PCDHA11: variants seen among roughly 807,000 people sequenced by gnomAD.
The protein encoded by PCDHA11 is protocadherin alpha-11.
Under a neutral mutation model 70.3 loss-of-function variants are expected in PCDHA11, and 61 were observed. The ratio of observed to expected loss-of-function variants is 0.87; its 90% CI spans 0.71 to 1.07. The LOEUF (loss-of-function observed/expected upper bound fraction) is 1.07, where lower values mean the gene tolerates loss of function less well. Among genes scored for constraint, PCDHA11 ranks in the 50% least tolerant of loss-of-function variants. The pLI is 0.00. For missense variants in PCDHA11, 1,324 were observed against 1,237.5 expected, an observed-to-expected ratio of 1.07 and a Z score of -1.05; for synonymous variants, 633 against 555.1, an observed-to-expected ratio of 1.14 and a Z score of -1.97.
At chr5:140,960,557 G>A (rs2095556177) in intron 1 of PCDHA11, among the ~76,000 whole-genome samples, 1 of 152,104 alleles carries the variant, frequency 6.6e-6, no homozygotes. Context: ...TATAGACTGA[G>A]CTTAGGAAAA....
At chr5:140,945,705 A>G (rs868920609) in intron 1 of PCDHA11, among the ~76,000 whole-genome samples, 5 of 152,154 alleles carry the variant, frequency 3.3e-5, no homozygotes, top group South Asian at 2.1e-4. Flanking sequence ...GATTTGCAAC[A>G]AAAGTATCAA....
chr5:140,877,015 G>C (rs371309003), intron 1 of PCDHA11: 9 of 1,612,358 alleles, frequency 5.6e-6, no homozygotes, highest in Non-Finnish European at 7.6e-6. Context: ...CGCGGAGAGC[G>C]GCAAGGTGTA....
At chr5:140,883,311 C>T (rs1562787016) in intron 1 of PCDHA11, 9 of 1,613,984 alleles carry the variant, frequency 5.6e-6, no homozygotes, top group Non-Finnish European at 7.6e-6. Flanking sequence ...GATAACGCCC[C>T]AGAGGTTACC....
intron 3 of PCDHA11, among the ~76,000 whole-genome samples, chr5:140,990,800 A>C (rs1474894854): frequency 3.9e-5 from 6 of 152,216 alleles, no homozygotes; most frequent in Non-Finnish European, 2.9e-5. Context: ...CATGGAATAC[A>C]GAAGAAGCTC....
chr5:140,882,209 A>T, intron 1 of PCDHA11: 1 of 1,531,724 alleles, frequency 6.5e-7, no homozygotes, highest in Non-Finnish European at 8.8e-7. Context: ...GCCTTGAGAG[A>T]CAGTTTGAGG....
intron 1 of PCDHA11, among the ~76,000 whole-genome samples, chr5:140,879,217 G>A (rs1163771659): frequency 6.6e-6 from 1 of 152,164 alleles, no homozygotes; most frequent in African/African-American, 2.4e-5. Context: ...GAAATGAATT[G>A]AAAAAGACAT....
intron 1 of PCDHA11, among the ~76,000 whole-genome samples, chr5:140,916,761 G>A (rs1391817856): frequency 2.0e-5 from 3 of 152,306 alleles, no homozygotes; most frequent in South Asian, 2.1e-4. Flanking sequence ...TTAGGGGAGG[G>A]GTGGCACAAG....
chr5:140,898,040 GT>G (rs1301370622), intron 1 of PCDHA11, among the ~76,000 whole-genome samples: 7 of 151,970 alleles, frequency 4.6e-5, no homozygotes, highest in Non-Finnish European at 8.8e-5. Flanking sequence ...GGGGTTGTTT[GT>G]TTTTTTCTTG....
At chr5:140,883,388 G>T (rs2059587175) in intron 1 of PCDHA11, 2 of 1,614,164 alleles carry the variant, frequency 1.2e-6, no homozygotes, top group Non-Finnish European at 1.7e-6. Context: ...CCTAATCAGT[G>T]TGTCCGATCG....
intron 1 of PCDHA11, chr5:140,967,336 C>T (rs782067589): frequency 5.0e-6 from 8 of 1,607,396 alleles, no homozygotes; most frequent in Admixed American, 1.7e-5. Context: ...TCAGCCCCAG[C>T]GAGCACTTCG....
chr5:140,921,777 C>T (rs1434211783), intron 1 of PCDHA11, among the ~76,000 whole-genome samples: 1 of 152,030 alleles, frequency 6.6e-6, no homozygotes, highest in African/African-American at 2.4e-5. Context: ...TCAATACTGA[C>T]TTGGATGTTC....
At chr5:140,942,530 T>C (rs963252648) in intron 1 of PCDHA11, among the ~76,000 whole-genome samples, 5 of 151,374 alleles carry the variant, frequency 3.3e-5, no homozygotes, top group Non-Finnish European at 5.9e-5. Flanking sequence ...AGCAACTAAC[T>C]CAGTATGGTG....
intron 1 of PCDHA11, among the ~76,000 whole-genome samples, chr5:140,931,278 T>G (rs1488323710): frequency 1.3e-5 from 2 of 152,174 alleles, no homozygotes; most frequent in Non-Finnish European, 2.9e-5. Context: ...TCTTTTATTT[T>G]CATTGCTTTC....
chr5:140,972,350 A>G (rs897251940), intron 1 of PCDHA11, among the ~76,000 whole-genome samples: 3 of 150,008 alleles, frequency 2.0e-5, no homozygotes, highest in Admixed American at 1.3e-4. Flanking sequence ...GGGTCTCACT[A>G]TGTTGCACAT....
chr5:141,004,402 A>T (rs2098165262), intron 3 of PCDHA11, among the ~76,000 whole-genome samples: 1 of 152,188 alleles, frequency 6.6e-6, no homozygotes, highest in African/African-American at 2.4e-5. Context: ...TGGAGGAGGC[A>T]CCTGACTAGA....
rs906170025 is a variant in PCDHA11 at position 140,935,893 on chromosome 5, T to C, written c.2392-43056T>C. Among the ~76,000 whole-genome samples, 23 of 129,968 alleles carry C rather than the reference T, an allele frequency of 1.8e-4. 1 individual carries two copies. In the Admixed American group the frequency reaches 1.8e-3, roughly 10 times the overall value. The allele number at this position is 129,968 out of a possible 152,430, so 85.3% of individuals were successfully genotyped here. A position where few individuals can be genotyped will look rare whatever the true frequency, so the allele number is the denominator to read the frequency against. ...AATGAGCTCCAATTTATCAATATTA[T>C]CTTTTTTTTTTTTTTTTGAGACAGA... On this transcript the variant is annotated intron_variant, in intron 1 of 3. Transcript: ENST00000398640.
At chr5:140,923,434 G>A (rs1461886077) in intron 1 of PCDHA11, among the ~76,000 whole-genome samples, 1 of 152,088 alleles carries the variant, frequency 6.6e-6, no homozygotes, top group Non-Finnish European at 1.5e-5. Context: ...AGGCTGGGGT[G>A]GGAGGATCAC....
At chr5:140,978,301 C>T (rs1554239160) in intron 1 of PCDHA11, among the ~76,000 whole-genome samples, 1 of 152,168 alleles carries the variant, frequency 6.6e-6, no homozygotes, top group Admixed American at 6.5e-5. Flanking sequence ...GGAAAGCACT[C>T]AGGAAGGAGC....
intron 1 of PCDHA11, among the ~76,000 whole-genome samples, chr5:140,890,853 C>T (rs1202284942): frequency 1.3e-5 from 2 of 152,058 alleles, no homozygotes; most frequent in Non-Finnish European, 2.9e-5. Flanking sequence ...GTTTCTCTTC[C>T]TTACTTCTTG....
Sources: gnomAD v4.1 joint callset for allele counts (sites outside exome capture counted in the v4.1 genomes callset) on GRCh38, gnomAD v4.1.1 for gene constraint, MANE v1.5 for transcripts, NCBI Gene and HGNC (gene_info 2026-07-23, HGNC 2026-07-21) for gene names.